The following SRFBP1 variants were observed in gnomAD, a reference collection of about 807,000 sequenced individuals.
SRFBP1 encodes the protein serum response factor binding protein 1.
SRFBP1 carries 47 observed loss-of-function variants against 45.5 expected under a neutral mutation model. That is an observed-to-expected ratio of 1.03 (90% CI 0.82 to 1.32). The LOEUF (loss-of-function observed/expected upper bound fraction) is 1.32, where lower values mean the gene tolerates loss of function less well. SRFBP1 is among the 40% of genes most tolerant of loss of function. The pLI is 0.00. For synonymous variants in SRFBP1, 203 were observed against 166.3 expected, an observed-to-expected ratio of 1.22 and a Z score of -1.70; for missense variants, 621 against 484.6, an observed-to-expected ratio of 1.28 and a Z score of -2.64.
intron 4 of SRFBP1, among the ~76,000 whole-genome samples, chr5:122,012,257 A>T (rs1753112567): frequency 6.6e-6 from 1 of 152,230 alleles, no homozygotes. Flanking sequence ...AATTCTTAAG[A>T]ATAAAATTAA....
chr5:121,978,536 T>C (rs528675439), intron 3 of SRFBP1, among the ~76,000 whole-genome samples: 12 of 152,126 alleles, frequency 7.9e-5, no homozygotes, highest in Admixed American at 6.6e-4. Context: ...CTGTCGCCCA[T>C]GCTGGAGTGC....
downstream of SRFBP1, among the ~76,000 whole-genome samples, chr5:122,029,349 G>A (rs1753555287): frequency 6.6e-6 from 1 of 152,072 alleles, no homozygotes; most frequent in South Asian, 2.1e-4. Context: ...TTCTGCAATG[G>A]CTGGTCAGAA....
chr5:121,994,468 A>G (rs1752678107), intron 3 of SRFBP1, 131 bp from the exon 4 acceptor site: 2 of 635,980 alleles, frequency 3.1e-6, no homozygotes, highest in South Asian at 1.9e-5. Flanking sequence ...GTCATATTTT[A>G]TGGGAGTTAA....
chr5:121,976,236 AT>A (rs1423695492), intron 3 of SRFBP1, among the ~76,000 whole-genome samples: 1 of 152,074 alleles, frequency 6.6e-6, no homozygotes, highest in African/African-American at 2.4e-5. Flanking sequence ...GTTAATCTGA[AT>A]AAAAACATCT....
chr5:122,058,711 G>T (rs1006662984), intron 2 of SRFBP1, among the ~76,000 whole-genome samples: 1 of 151,878 alleles, frequency 6.6e-6, no homozygotes, highest in Admixed American at 6.6e-5. Context: ...ATTTTAAATG[G>T]GACTGCAATG....
At chr5:122,067,975 G>A (rs1754343810) in intron 2 of SRFBP1, among the ~76,000 whole-genome samples, 1 of 152,008 alleles carries the variant, frequency 6.6e-6, no homozygotes, top group Non-Finnish European at 1.5e-5. Flanking sequence ...TAAGAAGCAA[G>A]TATTACTATC....
At chr5:122,062,414 G>A (rs1754185752) in intron 2 of SRFBP1, among the ~76,000 whole-genome samples, 1 of 150,660 alleles carries the variant, frequency 6.6e-6, no homozygotes, top group South Asian at 2.1e-4. Context: ...TCACATAAAG[G>A]CAGACAAGTT....
At chr5:122,013,524 A>G (rs1181968497) in intron 4 of SRFBP1, among the ~76,000 whole-genome samples, 2 of 152,116 alleles carry the variant, frequency 1.3e-5, no homozygotes, top group Non-Finnish European at 2.9e-5. Context: ...AAAAATACTA[A>G]CATTGCAAAT....
intron 4 of SRFBP1, among the ~76,000 whole-genome samples, chr5:122,016,811 A>G (rs1753201924): frequency 1.3e-5 from 2 of 152,190 alleles, no homozygotes; most frequent in African/African-American, 4.8e-5. Context: ...ACTTAAATGA[A>G]TGGTCCATGA....
intron 2 of SRFBP1, among the ~76,000 whole-genome samples, chr5:122,061,906 A>T (rs908674477): frequency 3.3e-5 from 5 of 151,990 alleles, no homozygotes; most frequent in African/African-American, 1.2e-4. Context: ...ATGCTGCCAC[A>T]TTTATTTTAA....
intron 4 of SRFBP1, among the ~76,000 whole-genome samples, chr5:122,005,308 T>C (rs1410804639): frequency 2.0e-5 from 3 of 152,164 alleles, no homozygotes; most frequent in African/African-American, 7.2e-5. Flanking sequence ...AACATTTGCT[T>C]TATGTATTTG....
chr5:121,966,161 A>G (rs866866670), intron 1 of SRFBP1, among the ~76,000 whole-genome samples: 3 of 152,174 alleles, frequency 2.0e-5, no homozygotes, highest in Admixed American at 6.5e-5. Flanking sequence ...CTCTCTTCCT[A>G]TTTGAATACG....
chr5:122,073,565 C>T (rs1181716800), intron 2 of SRFBP1, among the ~76,000 whole-genome samples: 1 of 152,088 alleles, frequency 6.6e-6, no homozygotes, highest in East Asian at 1.9e-4. Flanking sequence ...TCTTTTTTTA[C>T]AGTTATTTAC....
At chr5:122,077,402 G>C, downstream of SRFBP1, 1 of 1,614,102 alleles carries the variant, frequency 6.2e-7, no homozygotes, top group Non-Finnish European at 8.5e-7. This position sits in a 1 kb window ranked among gnomAD's most constrained non-coding sequence, Gnocchi z 4.9. Flanking sequence ...CCTGCCCCCA[G>C]GTCTGGGCCT....
chr5:122,070,684 T>A, intron 2 of SRFBP1: 1 of 636,488 alleles, frequency 1.6e-6, no homozygotes, highest in Non-Finnish European at 2.8e-6. Flanking sequence ...TTTAAGTTAG[T>A]ACTTACAAGA....
At position 122,020,535 on chromosome 5, in the gene SRFBP1, A is replaced by G; in HGVS notation, c.800A>G (p.Glu267Gly). Residue 267 changes from glutamate to glycine, a missense_variant, in exon 6 of 8, where the codon GAA becomes GGA. Glu to Gly is a moderately conservative substitution (Grantham distance 98). Transcript: ENST00000339397. ...GAATATTTTGATGATAGCACAGAAG[A>G]AAGGTTTTACAAGCAGTCTTCCATG... is the stretch of plus-strand genomic sequence containing the variant. ...EKEYFDDSTE[E>G]RFYKQSSMSE... 6.2e-7 allele frequency: 1 copy of G among 1,614,170 alleles called. No homozygotes were observed. Among genetic ancestry groups the G allele is most frequent in the Non-Finnish European group, 8.5e-7 (1 of 1,180,008 alleles).
intron 4 of SRFBP1, among the ~76,000 whole-genome samples, chr5:122,011,923 A>C (rs941882080): frequency 4.6e-5 from 7 of 152,146 alleles, no homozygotes; most frequent in African/African-American, 1.7e-4. Flanking sequence ...CATCTGCTTC[A>C]CCAGCTTTCT....
At chr5:121,982,653 A>G (rs1396248471) in intron 3 of SRFBP1, among the ~76,000 whole-genome samples, 5 of 151,864 alleles carry the variant, frequency 3.3e-5, no homozygotes, top group Non-Finnish European at 7.4e-5. Flanking sequence ...AAAGAGATGA[A>G]AATGCTATTA....
intron 4 of SRFBP1, among the ~76,000 whole-genome samples, chr5:122,017,144 G>A (rs1215057564): frequency 6.6e-6 from 1 of 152,106 alleles, no homozygotes; most frequent in Non-Finnish European, 1.5e-5. Context: ...CAGGAGAATC[G>A]CTTGAACCCG....
Sources: allele counts gnomAD v4.1 joint callset (sites outside exome capture counted in the v4.1 genomes callset), GRCh38; gene constraint gnomAD v4.1.1; non-coding constraint Gnocchi (gnomAD v3.1); transcripts MANE v1.5; gene names NCBI Gene and HGNC (gene_info 2026-07-23, HGNC 2026-07-21).